TRNT1: variants seen among roughly 807,000 people sequenced by gnomAD.
The protein encoded by TRNT1 is tRNA nucleotidyl transferase 1, also known as CCA tRNA nucleotidyltransferase 1, mitochondrial.
In TRNT1, 44 loss-of-function variants were observed where a neutral mutation model predicts 45.6. The ratio of observed to expected loss-of-function variants is 0.97; its 90% CI spans 0.76 to 1.24. The LOEUF (loss-of-function observed/expected upper bound fraction) is 1.24. Among genes scored for constraint, TRNT1 ranks in the 50% most tolerant of loss-of-function variants. The probability of loss-of-function intolerance (pLI) is 0.00; values close to 1 mark genes in which losing one functional copy is unlikely to be tolerated. For synonymous variants in TRNT1, 201 were observed against 171.4 expected (o/e 1.17, Z -1.35); for missense variants, 633 against 504.4 (o/e 1.25, Z -2.44).
rs1706274506 is a variant in TRNT1, at chr3:3,149,006, T to C, written c.*852T>C. On this transcript the variant is annotated 3_prime_UTR_variant, in exon 8 of 8. Transcript: ENST00000251607. ...GTCCTAAATGCTTTCATCAGGTAAA[T>C]AAAATGTATAATACAAACTGTTTAT... 1 of 134,534 alleles carries C rather than the reference T, an allele frequency of 7.4e-6. No individual in the cohort carries two copies. The highest frequency in any genetic ancestry group is 2.6e-4 in the South Asian group (1 of 3,782). 8.3% of individuals were successfully genotyped at this position (134,534 alleles called of 1,614,324 possible).
intron 1 of TRNT1, chr3:3,128,016 C>T (rs1704709577): frequency 1.3e-5 from 2 of 152,176 alleles, no homozygotes; most frequent in South Asian, 4.1e-4. Context: ...GCTTATATAC[C>T]TTGTAAGTTG....
rs369314026 is a variant in TRNT1 at position 3,146,659 on chromosome 3, A to C, written c.802+36A>C. On this transcript the variant is annotated intron_variant, in intron 6 of 7. Coordinates refer to ENST00000251607, the MANE Select transcript of TRNT1 (RefSeq NM_182916.3). ...GTTATAAAGTGTTTGAATTTTTGGC[A>C]GTGAAATATCTGGTTTCAAATTTCA... 1.7e-5 allele frequency: 26 copies of C among 1,494,646 alleles called. No homozygotes were observed. The African/African-American group carries it at 2.9e-4, about 16-fold the overall frequency. 92.6% of individuals were successfully genotyped at this position (1,494,646 alleles called of 1,614,324 possible). A position where few individuals can be genotyped will look rare whatever the true frequency, so the allele number is the denominator to read the frequency against.
downstream of TRNT1, chr3:3,152,967 T>C (rs988802240): frequency 3.6e-5 from 11 of 301,432 alleles, no homozygotes; most frequent in Non-Finnish European, 6.3e-5. Context: ...CAGAAAGCAG[T>C]TTCCTTACCT....
At chr3:3,133,609 C>T (rs925434145) in intron 2 of TRNT1, among the ~76,000 whole-genome samples, 1 of 151,812 alleles carries the variant, frequency 6.6e-6, no homozygotes, top group African/African-American at 2.4e-5. Context: ...GGCTGAAGTT[C>T]CCAATGCAGA....
chr3:3,148,284 C>A lies in TRNT1; in HGVS notation c.*130C>A. 2 of 938,712 alleles carry A rather than the reference C, an allele frequency of 2.1e-6. No homozygotes were observed. Among genetic ancestry groups the A allele is most frequent in the Non-Finnish European group, 3.2e-6 (2 of 634,026 alleles). 58.1% of individuals were successfully genotyped at this position (938,712 alleles called of 1,614,324 possible). On this transcript the variant is annotated 3_prime_UTR_variant, in exon 8 of 8. Coordinates refer to ENST00000251607, the MANE Select transcript of TRNT1 (RefSeq NM_182916.3). The stretch of plus-strand genomic sequence containing the variant: ...GGGACCTCTGTAGAACAACAAGGGT[C>A]TTATTTTGTGAATTATATATTTCAA...
downstream of TRNT1, chr3:3,152,493 T>A (rs1302518033): frequency 1.9e-6 from 3 of 1,613,772 alleles, no homozygotes; most frequent in Admixed American, 1.7e-5. Context: ...GGCCGGCCTA[T>A]CAGATTCAAG....
At position 3,140,611 on chromosome 3, in the gene TRNT1, G is replaced by A. The variant is rs41399044; in HGVS notation, c.444G>A (p.Ala148=). The A allele has an allele frequency of 1.7e-5, 27 of 1,613,930 alleles. 1 individual carries two copies. The Middle Eastern group carries it at 8.2e-4, about 49-fold the overall frequency. Residue 148 remains alanine, a synonymous_variant, in exon 4 of 8, where the codon GCG becomes GCA. Transcript: ENST00000251607. The part of the protein sequence containing the change: ...VEFTTDWQKD[A]ERRDLTINSM... ...TTACAACTGACTGGCAGAAAGATGC[G>A]GAACGCAGAGATCTCACTATAAATT... is the stretch of plus-strand genomic sequence containing the variant.
chr3:3,130,713 A>C (rs1704963194), intron 2 of TRNT1: 1 of 152,104 alleles, frequency 6.6e-6, no homozygotes, highest in Admixed American at 6.6e-5. Context: ...CAATATATCT[A>C]AGATACTATC....
chr3:3,129,180 G>A lies in TRNT1; in HGVS notation c.140G>A (p.Ser47Asn). Reference protein sequence around the residue: ...FQSLFTEGLKSLTELFVKENH... With the variant: ...FQSLFTEGLKNLTELFVKENH... Reference sequence around the variant, plus strand: ...TCACTTTTCACAGAAGGACTGAAGAGTCTGACAGGTGAGAGATTAGGATAC... The same window carrying A: ...TCACTTTTCACAGAAGGACTGAAGAATCTGACAGGTGAGAGATTAGGATAC... The change falls in exon 2 of 8, where the codon AGT becomes AAT. Residue 47 changes from serine to asparagine, a missense_variant. By Grantham distance (46) the Ser-to-Asn change is conservative. Transcript: ENST00000251607. The A allele has an allele frequency of 8.1e-6, 13 of 1,614,098 alleles. No homozygotes were observed. The highest frequency in any genetic ancestry group is 1.1e-5 in the Non-Finnish European group (13 of 1,179,988).
intron 3 of TRNT1, among the ~76,000 whole-genome samples, chr3:3,140,282 T>TAAA (rs1304566266): frequency 8.2e-6 from 1 of 122,652 alleles, no homozygotes; most frequent in East Asian, 2.7e-4. Context: ...TCATCTTTTT[T>TAAA]AATCATGATG....
chr3:3,137,464 A>G lies in TRNT1; in HGVS notation c.342+11A>G, dbSNP rs779037398. 20 of 1,588,676 alleles carry G rather than the reference A, an allele frequency of 1.3e-5. No homozygotes were observed. In the East Asian group the frequency reaches 4.3e-4, roughly 34 times the overall value. On this transcript the variant is annotated intron_variant, in intron 3 of 7. Coordinates refer to ENST00000251607, the MANE Select transcript of TRNT1 (RefSeq NM_182916.3). ...ACAATTACTGCCAGGGTGAGTCAAA[A>G]GTTTGACAGGTAATTACATTGCTTT...
At chr3:3,142,539 A>G (rs1185423158) in intron 4 of TRNT1, among the ~76,000 whole-genome samples, 1 of 152,228 alleles carries the variant, frequency 6.6e-6, no homozygotes, top group South Asian at 2.1e-4. Flanking sequence ...TTTTAAAAGG[A>G]TGATATTCAG....
chr3:3,147,356 G>C, intron 6 of TRNT1, 94 bp from the exon 7 acceptor site: 1 of 1,407,188 alleles, frequency 7.1e-7, no homozygotes, highest in South Asian at 1.3e-5. Context: ...TAGTGACAAA[G>C]CATTTCTGGA....
chr3:3,150,363 T>G (rs1347462869), downstream of TRNT1: 1 of 151,544 alleles, frequency 6.6e-6, no homozygotes, highest in Admixed American at 6.5e-5. Context: ...AACAAAGCCC[T>G]TTTAGAATAA....
downstream of TRNT1, chr3:3,150,922 G>A (rs1706492803): frequency 1.2e-6 from 2 of 1,613,960 alleles, no homozygotes; most frequent in African/African-American, 1.3e-5. Flanking sequence ...CTGGGATCGT[G>A]GGCAACAGAG....
chr3:3,148,356 A>C lies in TRNT1; in HGVS notation c.*202A>C. On this transcript the variant is annotated 3_prime_UTR_variant, in exon 8 of 8. Transcript: ENST00000251607. ...TTCTGGATCTGATTTATATCACTGA[A>C]ATGTACAGTTCTTTTGGAATAGTTT... 1 of 523,760 alleles carries C rather than the reference A, an allele frequency of 1.9e-6. No individual in the cohort carries two copies. The highest frequency in any genetic ancestry group is 3.3e-6 in the Non-Finnish European group (1 of 300,620). The allele number at this position is 523,760 out of a possible 1,614,324, so 32.4% of individuals were successfully genotyped here.
chr3:3,140,410 A>T, intron 3 of TRNT1, 100 bp from the exon 4 acceptor site: 1 of 1,161,492 alleles, frequency 8.6e-7, no homozygotes. Context: ...CAGGGCTTAT[A>T]GTACCATCCC....
chr3:3,134,986 T>C (rs1380161492), intron 2 of TRNT1, among the ~76,000 whole-genome samples: 3 of 152,078 alleles, frequency 2.0e-5, no homozygotes, highest in South Asian at 2.1e-4. Context: ...GGTAGTTACC[T>C]CTTAGTGGGC....
At chr3:3,151,793 G>C (rs1282221865), downstream of TRNT1, among the ~76,000 whole-genome samples, 2 of 149,626 alleles carry the variant, frequency 1.3e-5, no homozygotes, top group South Asian at 2.1e-4. Flanking sequence ...GAACTGAACA[G>C]GTTCCCAGGA....
Sources: allele counts gnomAD v4.1 joint callset (sites outside exome capture counted in the v4.1 genomes callset), GRCh38; gene constraint gnomAD v4.1.1; transcripts MANE v1.5; gene names NCBI Gene and HGNC (gene_info 2026-07-23, HGNC 2026-07-21).